The following CFAP221 variants were observed in gnomAD, a reference collection of about 807,000 sequenced individuals.
CFAP221 encodes the protein cilia- and flagella-associated protein 221.
CFAP221 carries 97 observed loss-of-function variants against 113.1 expected under a neutral mutation model. The observed-to-expected ratio is 0.86, with a 90% CI of 0.73 to 1.02. The LOEUF is 1.02. Ranked by LOEUF, CFAP221 falls within the 50% of genes least tolerant of loss-of-function variation. The probability of loss-of-function intolerance (pLI) is 0.00; values close to 1 mark genes in which losing one functional copy is unlikely to be tolerated. For missense variants in CFAP221, 1,025 were observed against 1,013.4 expected (o/e 1.01, Z -0.16); for synonymous variants, 331 against 354.4 (o/e 0.93, Z 0.74).
intron 22 of CFAP221, among the ~76,000 whole-genome samples, chr2:119,649,785 A>T (rs1688016509): frequency 6.6e-6 from 1 of 152,176 alleles, no homozygotes; most frequent in Non-Finnish European, 1.5e-5. Context: ...TTATCTTAGG[A>T]TGTTGCATTC....
intron 14 of CFAP221, among the ~76,000 whole-genome samples, chr2:119,616,399 A>C (rs1685529405): frequency 6.6e-6 from 1 of 152,214 alleles, no homozygotes; most frequent in Non-Finnish European, 1.5e-5. Flanking sequence ...ATGAGTAAAA[A>C]TGGGATATTG....
chr2:119,573,240 G>T (rs1026949799), intron 6 of CFAP221: 1 of 152,204 alleles, frequency 6.6e-6, no homozygotes, highest in African/African-American at 2.4e-5. Flanking sequence ...TTAAAATGCA[G>T]ATGTCAGGAG....
At chr2:119,658,563 C>G (rs899673267), downstream of CFAP221, among the ~76,000 whole-genome samples, 10 of 152,094 alleles carry the variant, frequency 6.6e-5, no homozygotes, top group Admixed American at 6.5e-4. Context: ...CTTCCGAGCC[C>G]TCTCAGTGGC....
intron 3 of CFAP221, among the ~76,000 whole-genome samples, chr2:119,558,857 A>G (rs1036601320): frequency 6.6e-6 from 1 of 152,082 alleles, no homozygotes; most frequent in Non-Finnish European, 1.5e-5. Flanking sequence ...ACAACAACAA[A>G]AAAACACAGG....
intron 5 of CFAP221, among the ~76,000 whole-genome samples, chr2:119,561,587 T>A (rs1446442382): frequency 6.6e-6 from 1 of 152,208 alleles, no homozygotes; most frequent in Non-Finnish European, 1.5e-5. Context: ...AAGGTTAACG[T>A]CATATGAGAC....
intron 7 of CFAP221, among the ~76,000 whole-genome samples, chr2:119,588,823 G>A (rs1421523661): frequency 6.6e-6 from 1 of 152,178 alleles, no homozygotes; most frequent in Non-Finnish European, 1.5e-5. Flanking sequence ...ACACTTGGAT[G>A]TCACTGGGTG....
chr2:119,605,670 C>T (rs1684693206), intron 11 of CFAP221, among the ~76,000 whole-genome samples: 1 of 152,136 alleles, frequency 6.6e-6, no homozygotes, highest in Admixed American at 6.5e-5. Flanking sequence ...TCTGGGTAGC[C>T]CAGTGGGGTG....
intron 20 of CFAP221, 48 bp downstream of exon 20, chr2:119,638,465 G>A (rs2104785014): frequency 6.2e-7 from 1 of 1,606,764 alleles, no homozygotes; most frequent in South Asian, 1.1e-5. Context: ...GGGCTGCAGG[G>A]AGGGGCAGGG....
Position 119,639,829 on chromosome 2 carries a change from C to G in CFAP221, c.2182C>G (p.Leu728Val), listed in dbSNP as rs1429107163. The stretch of plus-strand genomic sequence containing the variant: ...CTGGAAAAGCTTCCAGTCCCTGGTT[C>G]TCTCCTCCCTGCCGGACCCCTCCAA... ...MHWKSFQSLV[L>V]SSLPDPSKME... The change falls in exon 21 of 24, where the codon CTC (leucine) becomes GTC (valine). Residue 728 changes from leucine to valine, a missense_variant. Leu to Val is a conservative substitution (Grantham distance 32, BLOSUM62 1). Coordinates refer to ENST00000413369, the MANE Select transcript of CFAP221 (RefSeq NM_001271049.2). 23 of 1,614,058 alleles carry G rather than the reference C, an allele frequency of 1.4e-5. No homozygotes were observed. Among genetic ancestry groups the G allele is most frequent in the Non-Finnish European group, 1.9e-5 (22 of 1,180,030 alleles).
downstream of CFAP221, among the ~76,000 whole-genome samples, chr2:119,657,938 T>C: frequency 6.6e-6 from 1 of 152,228 alleles, no homozygotes; most frequent in Non-Finnish European, 1.5e-5. Flanking sequence ...TTCTTACTGG[T>C]GATGTTTACC....
At chr2:119,562,153 A>G in intron 6 of CFAP221, 39 bp downstream of exon 6, 1 of 1,371,224 alleles carries the variant, frequency 7.3e-7, no homozygotes, top group East Asian at 2.5e-5. Context: ...ATAGGATGTG[A>G]AAAACTAAGA....
intron 13 of CFAP221, among the ~76,000 whole-genome samples, chr2:119,613,774 C>T (rs959604151): frequency 5.3e-5 from 8 of 152,226 alleles, no homozygotes; most frequent in African/African-American, 1.9e-4. Context: ...TAGTGATTAA[C>T]ATTTGGCACC....
intron 6 of CFAP221, among the ~76,000 whole-genome samples, chr2:119,585,327 TTTGA>T (rs1467489695): frequency 6.6e-6 from 1 of 152,176 alleles, no homozygotes; most frequent in Non-Finnish European, 1.5e-5. Flanking sequence ...ACTTATAAAA[TTTGA>T]TTGAGGACAT....
rs113270890 is a variant in CFAP221 at position 119,551,625 on chromosome 2, C to T, written c.240+2440C>T. Among the ~76,000 whole-genome samples the T allele has an allele frequency of 2.6e-3, 397 of 152,290 alleles. 3 individuals carry two copies. Among genetic ancestry groups the T allele is most frequent in the African/African-American group, 7.3e-3 (304 of 41,566 alleles). Reference sequence around the variant, plus strand: ...TACTCCATTGACCTGTATGCCTACACTGATGGAAGTACCACCCTTAATTAC... The same window carrying T: ...TACTCCATTGACCTGTATGCCTACATTGATGGAAGTACCACCCTTAATTAC... On this transcript the variant is annotated intron_variant, in intron 3 of 23. Transcript: ENST00000413369.
intron 7 of CFAP221, among the ~76,000 whole-genome samples, chr2:119,600,195 C>T (rs768086049): frequency 3.4e-4 from 51 of 152,170 alleles, no homozygotes; most frequent in Non-Finnish European, 5.9e-5. Context: ...TCCCTTTCTT[C>T]GCTTTTTCTC....
chr2:119,546,106 A>C lies in CFAP221; in HGVS notation c.-26A>C. The C allele has an allele frequency of 6.6e-7, 1 of 1,519,432 alleles. No individual in the cohort carries two copies. Among genetic ancestry groups the C allele is most frequent in the Non-Finnish European group, 8.8e-7 (1 of 1,142,540 alleles). 94.1% of individuals were successfully genotyped at this position (1,519,432 alleles called of 1,614,324 possible). A position where few individuals can be genotyped will look rare whatever the true frequency, so the allele number is the denominator to read the frequency against. On this transcript the variant is annotated 5_prime_UTR_variant, in exon 2 of 24. Coordinates refer to ENST00000413369, the MANE Select transcript of CFAP221 (RefSeq NM_001271049.2). Reference sequence around the variant, plus strand: ...CCAGGACATGACCTTTGGCTCTAAAAAGAAGACTCCATTTTTCATGATAAA... The same window carrying C: ...CCAGGACATGACCTTTGGCTCTAAACAGAAGACTCCATTTTTCATGATAAA...
chr2:119,652,004 G>A lies in CFAP221; in HGVS notation c.2349G>A (p.Met783Ile), dbSNP rs755414176. 1 of 1,613,274 alleles carries A rather than the reference G, an allele frequency of 6.2e-7. No individual in the cohort carries two copies. The highest frequency in any genetic ancestry group is 8.5e-7 in the Non-Finnish European group (1 of 1,179,638). Residue 783 changes from methionine (M) to isoleucine (I), a missense_variant, in exon 23 of 24, where the codon ATG (methionine) becomes ATA (isoleucine). Physicochemically the swap from Met to Ile is conservative, Grantham distance 10. Coordinates refer to ENST00000413369, the MANE Select transcript of CFAP221 (RefSeq NM_001271049.2). ...TCTGTGAGCAGAATGTAGAAGTTAT[G>A]TTGACTCCAGAAATGATCAAAGTGG... is the stretch of plus-strand genomic sequence containing the variant. ...RELCEQNVEV[M>I]LTPEMIKVEF...
At chr2:119,599,575 G>T (rs1052931235) in intron 7 of CFAP221, among the ~76,000 whole-genome samples, 9 of 152,118 alleles carry the variant, frequency 5.9e-5, no homozygotes, top group African/African-American at 2.2e-4. Context: ...CAGGCCTAGG[G>T]AATTGCAAGT....
intron 6 of CFAP221, among the ~76,000 whole-genome samples, chr2:119,575,306 C>T (rs1362462112): frequency 2.6e-5 from 4 of 152,266 alleles, no homozygotes; most frequent in South Asian, 2.1e-4. Context: ...GATGCCAGCT[C>T]GCCGTGTTCT....
Sources: gnomAD v4.1 joint callset for allele counts (sites outside exome capture counted in the v4.1 genomes callset) on GRCh38, gnomAD v4.1.1 for gene constraint, MANE v1.5 for transcripts, NCBI Gene and HGNC (gene_info 2026-07-23, HGNC 2026-07-21) for gene names.